ESR1: variants seen among roughly 807,000 people sequenced by gnomAD.
ESR1 encodes estrogen receptor 1, also known as estrogen receptor.
A neutral mutation model predicts 52.7 loss-of-function variants in ESR1; 12 were observed. That is an observed-to-expected ratio of 0.23 (90% confidence interval 0.15 to 0.37). The LOEUF (loss-of-function observed/expected upper bound fraction) is 0.37. Ranked by LOEUF, ESR1 falls within the 10% of genes least tolerant of loss-of-function variation. ESR1 has a pLI of 1.00. For missense variants in ESR1, 584 were observed against 779.7 expected (o/e 0.75, Z 2.99); for synonymous variants, 305 against 316.8 (o/e 0.96, Z 0.39).
At chr6:151,663,424 T>C (rs1777709171) in intron 1 of ESR1, among the ~76,000 whole-genome samples, 1 of 152,246 alleles carries the variant, frequency 6.6e-6, no homozygotes, top group South Asian at 2.1e-4. Flanking sequence ...GTACATTTAG[T>C]AAGAACTTGA....
At position 151,898,157 on chromosome 6, in the gene ESR1, A is replaced by G. The variant is rs149399879; in HGVS notation, c.760+17386A>G. Among the ~76,000 whole-genome samples the G allele has an allele frequency of 3.9e-5, 6 of 152,292 alleles. No individual in the cohort carries two copies. In the East Asian group the frequency reaches 1.2e-3, roughly 29 times the overall value. On this transcript the variant is annotated intron_variant, in intron 3 of 7. Coordinates refer to ENST00000206249, the MANE Select transcript of ESR1 (RefSeq NM_000125.4). Reference sequence around the variant, plus strand: ...TCTTATCTTAACTTTAGATAACCTTATGACAATGTGCCTAGGCAATGATCT... The same window carrying G: ...TCTTATCTTAACTTTAGATAACCTTGTGACAATGTGCCTAGGCAATGATCT...
chr6:151,879,412 G>T (rs1583896047), intron 2 of ESR1, among the ~76,000 whole-genome samples: 1 of 152,184 alleles, frequency 6.6e-6, no homozygotes, highest in East Asian at 1.9e-4. Flanking sequence ...TGAAGAAAAG[G>T]AGATTTCATG....
intron 7 of ESR1, among the ~76,000 whole-genome samples, chr6:152,097,948 C>G (rs532162473): frequency 1.1e-4 from 16 of 152,216 alleles, no homozygotes; most frequent in Admixed American, 2.0e-4. Context: ...AAAAACAGAA[C>G]GGTGTGAAAG....
chr6:152,110,808 T>G (rs1417073060), intron 6 of ESR1, among the ~76,000 whole-genome samples: 1 of 152,184 alleles, frequency 6.6e-6, no homozygotes, highest in Non-Finnish European at 1.5e-5. Flanking sequence ...GACAGGATGC[T>G]GAAAGCTATG....
intron 3 of ESR1, among the ~76,000 whole-genome samples, chr6:151,915,552 A>C (rs1475075125): frequency 6.6e-6 from 1 of 152,220 alleles, no homozygotes; most frequent in Non-Finnish European, 1.5e-5. Flanking sequence ...GGTGTAATAC[A>C]TATAAGGCCA....
At chr6:151,668,771 C>T (rs1389401562) in intron 1 of ESR1, among the ~76,000 whole-genome samples, 1 of 152,096 alleles carries the variant, frequency 6.6e-6, no homozygotes, top group African/African-American at 2.4e-5. Flanking sequence ...CCTATGGGTC[C>T]TCTCCATTTG....
intron 6 of ESR1, among the ~76,000 whole-genome samples, chr6:152,114,846 G>C (rs182080206): frequency 4.0e-4 from 52 of 129,476 alleles, no homozygotes; most frequent in African/African-American, 1.3e-3. Flanking sequence ...AGCCGAGATC[G>C]CGCCACTGCA....
chr6:151,866,455 C>A (rs1562492596), intron 2 of ESR1, among the ~76,000 whole-genome samples: 1 of 152,068 alleles, frequency 6.6e-6, no homozygotes. Context: ...TTAGGTATTT[C>A]TTCTAATGCT....
chr6:151,891,863 C>T (rs543888790), intron 3 of ESR1, among the ~76,000 whole-genome samples: 6 of 151,856 alleles, frequency 4.0e-5, no homozygotes, highest in African/African-American at 1.5e-4. Flanking sequence ...AGCAGAAGTA[C>T]CAAAATAAAT....
intron 6 of ESR1, among the ~76,000 whole-genome samples, chr6:152,065,211 C>T (rs1252765552): frequency 6.6e-6 from 1 of 152,122 alleles, no homozygotes; most frequent in East Asian, 1.9e-4. Flanking sequence ...AATTATGCCA[C>T]GTAATTAGAT....
At chr6:151,976,066 T>C (rs916586713) in intron 4 of ESR1, among the ~76,000 whole-genome samples, 3 of 152,202 alleles carry the variant, frequency 2.0e-5, no homozygotes, top group Admixed American at 1.3e-4. Flanking sequence ...TTTCCAAGGA[T>C]AGAGATGGTG....
chr6:151,875,708 G>C (rs989045871), intron 2 of ESR1, among the ~76,000 whole-genome samples: 3 of 152,132 alleles, frequency 2.0e-5, no homozygotes, highest in African/African-American at 7.2e-5. Context: ...GCCAAGAGGA[G>C]AAAAAGTGTG....
intron 2 of ESR1, among the ~76,000 whole-genome samples, chr6:151,796,843 T>C (rs1465123009): frequency 6.6e-6 from 1 of 152,232 alleles, no homozygotes; most frequent in Non-Finnish European, 1.5e-5. Flanking sequence ...CATGTTCACA[T>C]AGCAGTAGTT....
intron 4 of ESR1, among the ~76,000 whole-genome samples, chr6:151,988,288 T>C (rs907794359): frequency 3.9e-5 from 6 of 152,082 alleles, no homozygotes; most frequent in African/African-American, 1.2e-4. Context: ...AGGCATTAGA[T>C]TATCATAAGG....
rs960269458 is a variant in ESR1, at chr6:152,100,397, A to G, written c.*1431A>G. ...AATCAGGGTTTGGTTTGGGGAAGAAAATCCTCCCCCTTCCTCCCCCGCCCC... is the reference window on the plus strand; with the variant it reads ...AATCAGGGTTTGGTTTGGGGAAGAAGATCCTCCCCCTTCCTCCCCCGCCCC... On this transcript the variant is annotated 3_prime_UTR_variant, in exon 8 of 8. Transcript: ENST00000206249. 6.7e-5 allele frequency: 20 copies of G among 300,008 alleles called. No homozygotes were observed. Among genetic ancestry groups the G allele is most frequent in the African/African-American group, 4.3e-4 (20 of 46,860 alleles). The allele number at this position is 300,008 out of a possible 1,614,324, so 18.6% of individuals were successfully genotyped here. A position where few individuals can be genotyped will look rare whatever the true frequency, so the allele number is the denominator to read the frequency against.
chr6:152,040,366 A>C (rs1432853984), intron 5 of ESR1, among the ~76,000 whole-genome samples: 1 of 152,162 alleles, frequency 6.6e-6, no homozygotes. Flanking sequence ...AATCCACTTG[A>C]TTATTAAAAT....
At chr6:152,084,713 A>AAC (rs1185002636) in intron 6 of ESR1, among the ~76,000 whole-genome samples, 27 of 152,276 alleles carry the variant, frequency 1.8e-4, no homozygotes, top group African/African-American at 6.0e-4. Context: ...TGAAAAAAAA[A>AAC]AAAAAACAGT....
chr6:151,918,202 G>C (rs1382781132), intron 3 of ESR1, among the ~76,000 whole-genome samples: 1 of 152,198 alleles, frequency 6.6e-6, no homozygotes, highest in Admixed American at 6.5e-5. Flanking sequence ...TCATTGCTGA[G>C]TTTGCCACAG....
chr6:151,856,971 T>G (rs571237900), intron 2 of ESR1, among the ~76,000 whole-genome samples: 1 of 152,328 alleles, frequency 6.6e-6, no homozygotes, highest in African/African-American at 2.4e-5. Flanking sequence ...GCTTATAAAA[T>G]GCTTTTTTGG....
Sources: allele counts gnomAD v4.1 joint callset (sites outside exome capture counted in the v4.1 genomes callset), GRCh38; gene constraint gnomAD v4.1.1; transcripts MANE v1.5; gene names NCBI Gene and HGNC (gene_info 2026-07-23, HGNC 2026-07-21).